Variants in EPB41L2 observed in about 807,000 individuals in gnomAD.
EPB41L2 encodes erythrocyte membrane protein band 4.1 like 2.
EPB41L2 carries 43 observed loss-of-function variants against 113.0 expected under a neutral mutation model. The ratio of observed to expected loss-of-function variants is 0.38; its 90% CI spans 0.30 to 0.49. The LOEUF is 0.49. EPB41L2 is among the 20% of genes least tolerant of loss of function. The probability of loss-of-function intolerance (pLI) is 0.95; values close to 1 mark genes in which losing one functional copy is unlikely to be tolerated. For missense variants in EPB41L2, 1,147 were observed against 1,223.4 expected (o/e 0.94, Z 0.93); for synonymous variants, 442 against 436.7 (o/e 1.01, Z -0.15).
At chr6:130,950,445 T>C (rs1464843347) in intron 3 of EPB41L2, among the ~76,000 whole-genome samples, 1 of 151,960 alleles carries the variant, frequency 6.6e-6, no homozygotes, top group Non-Finnish European at 1.5e-5. Flanking sequence ...TTAGATGAAA[T>C]GGACAATCTC....
At chr6:131,034,650 T>C (rs1284050807) in intron 1 of EPB41L2, among the ~76,000 whole-genome samples, 1 of 152,248 alleles carries the variant, frequency 6.6e-6, no homozygotes, top group Non-Finnish European at 1.5e-5. Context: ...GTGCTCTTCC[T>C]ACACTTAGTT....
intron 1 of EPB41L2, among the ~76,000 whole-genome samples, chr6:131,010,105 T>C (rs1035378712): frequency 6.6e-6 from 1 of 152,236 alleles, no homozygotes; most frequent in Non-Finnish European, 1.5e-5. Flanking sequence ...TGCTTTCATG[T>C]AATTCAACAA....
At chr6:130,876,980 A>G (rs1787779316) in intron 14 of EPB41L2, among the ~76,000 whole-genome samples, 1 of 152,168 alleles carries the variant, frequency 6.6e-6, no homozygotes, top group African/African-American at 2.4e-5. Flanking sequence ...TGAAATTGAC[A>G]TTTTTTATCA....
Position 130,890,478 on chromosome 6 carries a change from A to AG in EPB41L2, c.1488-13_1488-12insC, listed in dbSNP as rs747343444. 1.6e-4 allele frequency: 54 copies of AG among 344,692 alleles called. No homozygotes were observed. In the South Asian group the frequency reaches 3.0e-3, roughly 19 times the overall value. 21.4% of individuals were successfully genotyped at this position (344,692 alleles called of 1,614,324 possible). On this transcript the variant is annotated splice_polypyrimidine_tract_variant and intron_variant, in intron 10 of 19. Transcript: ENST00000337057. The stretch of plus-strand genomic sequence containing the variant: ...CTGGAGAAACAAGCCTATGGGAGGA[A>AG]AAAAAAAAAAAAAGAGAGAGAGAAA...
At chr6:131,061,220 C>A (rs1045598832) in intron 1 of EPB41L2, among the ~76,000 whole-genome samples, 2 of 152,126 alleles carry the variant, frequency 1.3e-5, no homozygotes, top group African/African-American at 4.8e-5. Context: ...CTCTTGTTCT[C>A]GGCAGTCTGT....
chr6:130,885,359 G>T, intron 11 of EPB41L2, 91 bp from the exon 12 acceptor site: 1 of 1,222,026 alleles, frequency 8.2e-7, no homozygotes, highest in African/African-American at 1.5e-5. Flanking sequence ...TAAACAGGCA[G>T]CATATAAATA....
intron 1 of EPB41L2, among the ~76,000 whole-genome samples, chr6:130,961,749 T>C (rs577251655): frequency 6.6e-6 from 1 of 152,296 alleles, no homozygotes; most frequent in Admixed American, 6.5e-5. Context: ...CTCCCATTCT[T>C]TGCTGAGATC....
intron 17 of EPB41L2, among the ~76,000 whole-genome samples, chr6:130,864,609 G>A (rs1039670941): frequency 2.0e-5 from 3 of 152,256 alleles, no homozygotes; most frequent in South Asian, 4.2e-4. Flanking sequence ...CTGGGAAAGC[G>A]CACATCCAAC....
At chr6:130,925,816 A>G (rs906537573) in intron 4 of EPB41L2, among the ~76,000 whole-genome samples, 7 of 152,242 alleles carry the variant, frequency 4.6e-5, no homozygotes, top group African/African-American at 1.7e-4. Context: ...TCTATTAAGA[A>G]TACTCATGTA....
At chr6:130,953,695 T>C (rs1583868979) in intron 3 of EPB41L2, among the ~76,000 whole-genome samples, 1 of 152,176 alleles carries the variant, frequency 6.6e-6, no homozygotes, top group South Asian at 2.1e-4. Context: ...GTGGCGTCTT[T>C]AGGAAATGAC....
chr6:130,985,772 G>A (rs1780410016), intron 1 of EPB41L2, among the ~76,000 whole-genome samples: 1 of 152,138 alleles, frequency 6.6e-6, no homozygotes, highest in South Asian at 2.1e-4. Context: ...AGAACCTTGG[G>A]CTAAAGAATA....
chr6:130,978,308 AG>A (rs2128669915), intron 1 of EPB41L2, among the ~76,000 whole-genome samples: 1 of 152,376 alleles, frequency 6.6e-6, no homozygotes, highest in East Asian at 1.9e-4. Flanking sequence ...GGGGAGGTAC[AG>A]CCCCAATCTG....
chr6:130,867,875 TTATG>T (rs1015168167), intron 15 of EPB41L2: 6 of 362,224 alleles, frequency 1.7e-5, no homozygotes, highest in African/African-American at 2.1e-5. Flanking sequence ...GCTTCCTAAA[TTATG>T]TTACTCTTTA....
At chr6:130,979,525 A>C (rs1778910363) in intron 1 of EPB41L2, among the ~76,000 whole-genome samples, 1 of 151,418 alleles carries the variant, frequency 6.6e-6, no homozygotes, top group African/African-American at 2.4e-5. Context: ...GAAACTGGTT[A>C]AGATGATGTT....
intron 1 of EPB41L2, among the ~76,000 whole-genome samples, chr6:131,021,192 G>C (rs1789398729): frequency 6.6e-6 from 1 of 152,214 alleles, no homozygotes; most frequent in African/African-American, 2.4e-5. Flanking sequence ...AGGAGCTCAT[G>C]CAGAAGAATA....
At chr6:130,852,890 T>C (rs867382911) in intron 19 of EPB41L2, among the ~76,000 whole-genome samples, 6 of 152,298 alleles carry the variant, frequency 3.9e-5, no homozygotes, top group Admixed American at 1.3e-4. Context: ...CTGCCTGGAA[T>C]GGCCCCCTTT....
chr6:130,932,709 T>C (rs1340106948), intron 3 of EPB41L2, among the ~76,000 whole-genome samples: 13 of 152,238 alleles, frequency 8.5e-5, no homozygotes, highest in Admixed American at 7.9e-4. Flanking sequence ...TTGATACTTA[T>C]TACTTTCAGA....
chr6:130,903,142 A>C (rs1269034745), intron 6 of EPB41L2, among the ~76,000 whole-genome samples: 1 of 152,154 alleles, frequency 6.6e-6, no homozygotes, highest in Non-Finnish European at 1.5e-5. Context: ...CAATCACCAA[A>C]GGATTATCAT....
rs1816328530 is a variant in EPB41L2 at position 130,954,036 on chromosome 6, C to CTTTTTTTTTTTTTTTTTTTTTT, written c.705+1068_705+1069insAAAAAAAAAAAAAAAAAAAAAA. Among the ~76,000 whole-genome samples, 8 of 45,526 alleles carry CTTTTTTTTTTTTTTTTTTTTTT rather than the reference C, an allele frequency of 1.8e-4. 1 individual carries two copies. Among genetic ancestry groups the CTTTTTTTTTTTTTTTTTTTTTT allele is most frequent in the African/African-American group, 4.7e-4 (8 of 17,182 alleles). The allele number at this position is 45,526 out of a possible 152,430, so 29.9% of individuals were successfully genotyped here. On this transcript the variant is annotated intron_variant, in intron 3 of 19. Coordinates refer to ENST00000337057, the MANE Select transcript of EPB41L2 (RefSeq NM_001431.4). ...TTAATCCTCTTTTGCTAGTCCTTTTCTTTCTTTTTTTTTTTTTTTTTTTTT... is the reference window on the plus strand; with the variant it reads ...TTAATCCTCTTTTGCTAGTCCTTTTCTTTTTTTTTTTTTTTTTTTTTTTTTCTTTTTTTTTTTTTTTTTTTTT...
Sources: allele counts gnomAD v4.1 joint callset (sites outside exome capture counted in the v4.1 genomes callset), GRCh38; gene constraint gnomAD v4.1.1; transcripts MANE v1.5; gene names NCBI Gene and HGNC (gene_info 2026-07-23, HGNC 2026-07-21).